The following HTR7 variants were observed in gnomAD, a reference collection of about 807,000 sequenced individuals.
The protein encoded by HTR7 is 5-HT-7.
In HTR7, 16 loss-of-function variants were observed where a neutral mutation model predicts 34.0. The observed-to-expected ratio is 0.47, with a 90% CI of 0.32 to 0.71. The LOEUF is 0.71. Ranked by LOEUF, HTR7 falls within the 30% of genes least tolerant of loss-of-function variation. HTR7 has a pLI of 0.04. For missense variants in HTR7, 504 were observed against 625.5 expected, an observed-to-expected ratio of 0.81 and a Z score of 2.07; for synonymous variants, 265 against 260.2, an observed-to-expected ratio of 1.02 and a Z score of -0.18.
At chr10:90,837,586 C>T (rs1398105557) in intron 1 of HTR7, among the ~76,000 whole-genome samples, 1 of 152,248 alleles carries the variant, frequency 6.6e-6, no homozygotes, top group African/African-American at 2.4e-5. Context: ...AGCTCTTGAA[C>T]TTCCCAGCTT....
At chr10:90,806,243 G>A (rs1845704163) in intron 1 of HTR7, among the ~76,000 whole-genome samples, 1 of 152,182 alleles carries the variant, frequency 6.6e-6, no homozygotes, top group Non-Finnish European at 1.5e-5. Context: ...TAAAAGGGTA[G>A]GGAATGAGGA....
chr10:90,770,305 G>A (rs548484004), intron 1 of HTR7, among the ~76,000 whole-genome samples: 2 of 152,320 alleles, frequency 1.3e-5, no homozygotes, highest in South Asian at 4.1e-4. Flanking sequence ...CGAGCTACCT[G>A]CCAGCACTGG....
intron 1 of HTR7, among the ~76,000 whole-genome samples, chr10:90,851,812 T>C (rs1461052374): frequency 6.6e-6 from 1 of 152,104 alleles, no homozygotes; most frequent in African/African-American, 2.4e-5. Context: ...GTTTCCCCCA[T>C]ACCGTTCTCC....
intron 1 of HTR7, among the ~76,000 whole-genome samples, chr10:90,795,485 G>C (rs1482598805): frequency 6.6e-6 from 1 of 152,140 alleles, no homozygotes; most frequent in Non-Finnish European, 1.5e-5. Flanking sequence ...AAATGATAAA[G>C]GTAGAAGACA....
chr10:90,759,111 C>T (rs1250474103), intron 1 of HTR7, among the ~76,000 whole-genome samples: 4 of 150,132 alleles, frequency 2.7e-5, no homozygotes, highest in Non-Finnish European at 4.4e-5. Context: ...TGCTTGAACC[C>T]GGGAGGTGGA....
At chr10:90,786,088 G>T (rs1235263054) in intron 1 of HTR7, among the ~76,000 whole-genome samples, 1 of 152,192 alleles carries the variant, frequency 6.6e-6, no homozygotes, top group Non-Finnish European at 1.5e-5. Context: ...CAGCACATAT[G>T]TCGGGTTTAT....
At chr10:90,747,137 C>A (rs1589433474) in intron 2 of HTR7, among the ~76,000 whole-genome samples, 1 of 152,192 alleles carries the variant, frequency 6.6e-6, no homozygotes, top group Middle Eastern at 3.2e-3. Flanking sequence ...TTAAGTTGTT[C>A]TTCTGAAAAG....
chr10:90,815,080 TTTTG>T (rs1274321871), intron 1 of HTR7, among the ~76,000 whole-genome samples: 1 of 137,048 alleles, frequency 7.3e-6, no homozygotes, highest in Non-Finnish European at 1.6e-5. Context: ...TGGATTTTTT[TTTTG>T]TTTTTTTTTT....
intron 3 of HTR7, 82 bp downstream of exon 3, chr10:90,743,511 C>A (rs189652436): frequency 1.8e-6 from 2 of 1,114,386 alleles, no homozygotes; most frequent in South Asian, 2.5e-5. Flanking sequence ...CAGCTCAGCA[C>A]GGCTCTGCTC....
At chr10:90,833,366 T>C (rs912567314) in intron 1 of HTR7, among the ~76,000 whole-genome samples, 2 of 152,168 alleles carry the variant, frequency 1.3e-5, no homozygotes, top group Non-Finnish European at 2.9e-5. Context: ...AGCTTAAGAG[T>C]TAAGGCACCA....
intron 1 of HTR7, among the ~76,000 whole-genome samples, chr10:90,784,755 T>C (rs963043904): frequency 2.6e-5 from 4 of 152,190 alleles, no homozygotes; most frequent in Non-Finnish European, 5.9e-5. Flanking sequence ...AGACAGGCAG[T>C]CGGGAGAAAG....
intron 1 of HTR7, among the ~76,000 whole-genome samples, chr10:90,820,833 C>A (rs763113302): frequency 2.0e-4 from 31 of 152,142 alleles, no homozygotes; most frequent in Non-Finnish European, 4.0e-4. Context: ...GTGGAACCAT[C>A]CTAAGTTGGG....
intron 1 of HTR7, among the ~76,000 whole-genome samples, chr10:90,761,574 G>T (rs1331354217): frequency 6.6e-6 from 1 of 151,432 alleles, no homozygotes; most frequent in Non-Finnish European, 1.5e-5. Context: ...CCACATAGAT[G>T]TGTTACTATG....
chr10:90,769,516 G>A (rs922227615), intron 1 of HTR7, among the ~76,000 whole-genome samples: 4 of 152,096 alleles, frequency 2.6e-5, no homozygotes, highest in African/African-American at 7.2e-5. Flanking sequence ...TTGCTTATCT[G>A]ATCGAGGCCT....
chr10:90,847,589 C>G (rs1846428954), intron 1 of HTR7, among the ~76,000 whole-genome samples: 1 of 152,136 alleles, frequency 6.6e-6, no homozygotes, highest in Non-Finnish European at 1.5e-5. Context: ...GAATTAAAGC[C>G]AAAAGCAGAA....
At chr10:90,774,861 CAT>C (rs1845180833) in intron 1 of HTR7, among the ~76,000 whole-genome samples, 1 of 152,202 alleles carries the variant, frequency 6.6e-6, no homozygotes, top group Non-Finnish European at 1.5e-5. Context: ...GCCCTCCACT[CAT>C]AGCGCAGTGG....
intron 1 of HTR7, among the ~76,000 whole-genome samples, chr10:90,819,519 C>T (rs183369425): frequency 1.8e-3 from 268 of 152,152 alleles, no homozygotes; most frequent in Admixed American, 2.9e-3. Context: ...TTTAATTTCT[C>T]CTAAAATATC....
intron 1 of HTR7, among the ~76,000 whole-genome samples, chr10:90,773,641 C>T (rs534149918): frequency 1.3e-5 from 2 of 152,110 alleles, no homozygotes; most frequent in Admixed American, 6.6e-5. Flanking sequence ...GGTAACCATC[C>T]TTCTACTCTC....
rs1224509283 is a variant in HTR7, at chr10:90,830,845, C to CA, written c.539+26287dup. On this transcript the variant is annotated intron_variant, in intron 1 of 3. Coordinates refer to ENST00000336152, the MANE Select transcript of HTR7 (RefSeq NM_019859.4). ...GCTTTGGCCCAGTTACGATGCTCCA[C>CA]AAAAAAGTTAAAAATAAAATAAATG... Among the ~76,000 whole-genome samples, 4 of 150,526 alleles carry CA rather than the reference C, an allele frequency of 2.7e-5. No homozygotes were observed. The East Asian group carries it at 7.8e-4, about 29-fold the overall frequency.
Sources: allele counts gnomAD v4.1 joint callset (sites outside exome capture counted in the v4.1 genomes callset), GRCh38; gene constraint gnomAD v4.1.1; transcripts MANE v1.5; gene names NCBI Gene and HGNC (gene_info 2026-07-23, HGNC 2026-07-21).